The following MACF1 variants were observed in gnomAD, a reference collection of about 807,000 sequenced individuals.
MACF1 encodes the protein microtubule-actin cross-linking factor 1.
A neutral mutation model predicts 854.8 loss-of-function variants in MACF1; 193 were observed. That is an observed-to-expected ratio of 0.23 (90% CI 0.20 to 0.25). The LOEUF is 0.25. Among genes scored for constraint, MACF1 ranks in the 10% least tolerant of loss-of-function variants. MACF1 has a pLI of 1.00. For missense variants in MACF1, 7,722 were observed against 8,929.1 expected, an observed-to-expected ratio of 0.86 and a Z score of 5.45; for synonymous variants, 3,185 against 3,226.7, an observed-to-expected ratio of 0.99 and a Z score of 0.44.
chr1:39,376,460 AC>A (rs1200718935), intron 52 of MACF1, among the ~76,000 whole-genome samples: 5 of 152,056 alleles, frequency 3.3e-5, no homozygotes, highest in Admixed American at 3.3e-4. Context: ...CTTCCCAGTT[AC>A]CCCATGAGAG....
At chr1:39,147,244 CCT>C (rs1488273223) in intron 2 of MACF1, among the ~76,000 whole-genome samples, 3 of 149,802 alleles carry the variant, frequency 2.0e-5, no homozygotes, top group Non-Finnish European at 4.5e-5. Context: ...TTTCCTCTCT[CCT>C]CTCTCTTTTC....
chr1:39,194,288 C>T lies in MACF1; in HGVS notation c.221-36894C>T, dbSNP rs532532698. Reference sequence around the variant, plus strand: ...TCTAGAGTTAGATCCTGGGCAGAATCCATATCCGGAGGGATTTCCAGAAGT... The same window carrying T: ...TCTAGAGTTAGATCCTGGGCAGAATTCATATCCGGAGGGATTTCCAGAAGT... On this transcript the variant is annotated intron_variant, in intron 2 of 93. Coordinates refer to the MACF1 transcript ENST00000361689. Among the ~76,000 whole-genome samples, 52 of 150,598 alleles carry T rather than the reference C, an allele frequency of 3.5e-4. 1 individual carries two copies. The highest frequency in any genetic ancestry group is 1.2e-3 in the African/African-American group (50 of 41,018).
rs201651907 is a variant in MACF1 at position 39,334,906 on chromosome 1, T to C, written c.8318T>C (p.Ile2773Thr). 75 of 1,614,178 alleles carry C rather than the reference T, an allele frequency of 4.6e-5. No homozygotes were observed. The highest frequency in any genetic ancestry group is 1.8e-4 in the Admixed American group (11 of 60,030). ...SSEFSDHRAQ[I>T]EKQEGIEVCA... ...GAGTTCAGCGATCACAGGGCTCAGA[T>C]TGAAAAGCAAGAAGGGATTGAAGTG... The change falls in exon 37 of 101, where the codon ATT becomes ACT. Residue 2773 changes from isoleucine (I) to threonine (T), a missense_variant. By Grantham distance (89) the Ile-to-Thr change is moderately conservative. Around this residue, in one of 15 missense-constraint regions of MACF1, gnomAD observed 1,531 missense variants for 1,601.6 expected, o/e 0.96. Coordinates refer to ENST00000564288, the MANE Select transcript of MACF1 (RefSeq NM_001394062.1).
chr1:39,095,730 T>C (rs1403161226), intron 2 of MACF1, among the ~76,000 whole-genome samples: 1 of 137,722 alleles, frequency 7.3e-6, no homozygotes, highest in African/African-American at 2.8e-5. Flanking sequence ...AAAAAAAAAA[T>C]TAGGTGTGGT....
At chr1:39,416,307 C>G (rs557365400) in intron 58 of MACF1, among the ~76,000 whole-genome samples, 1 of 151,404 alleles carries the variant, frequency 6.6e-6, no homozygotes, top group East Asian at 1.9e-4. Context: ...ATAGCCTGTA[C>G]AAAGTGAAGA....
At chr1:39,113,734 G>A (rs1642471333) in intron 2 of MACF1, among the ~76,000 whole-genome samples, 2 of 152,054 alleles carry the variant, frequency 1.3e-5, no homozygotes, top group Non-Finnish European at 2.9e-5. Flanking sequence ...TCCCAGGCAA[G>A]CAAAAAAGAT....
chr1:39,226,982 A>C (rs1422378853), intron 1 of MACF1, among the ~76,000 whole-genome samples: 1 of 152,224 alleles, frequency 6.6e-6, no homozygotes, highest in Admixed American at 6.5e-5. Context: ...TGTAATGGAC[A>C]CAACTTTAGT....
intron 2 of MACF1, among the ~76,000 whole-genome samples, chr1:39,124,246 G>C (rs930317183): frequency 2.6e-5 from 4 of 152,084 alleles, no homozygotes; most frequent in African/African-American, 9.7e-5. Context: ...CCAAGTTTGT[G>C]ATTAGGTGGT....
At chr1:39,167,751 A>G (rs1035863266) in intron 2 of MACF1, among the ~76,000 whole-genome samples, 1 of 151,860 alleles carries the variant, frequency 6.6e-6, no homozygotes, top group Admixed American at 6.6e-5. Flanking sequence ...ACAGGCACCT[A>G]TAATCTCAGC....
chr1:39,382,656 C>T (rs970348327), intron 56 of MACF1, among the ~76,000 whole-genome samples: 14 of 148,094 alleles, frequency 9.5e-5, no homozygotes, highest in East Asian at 4.0e-4. Context: ...GTGTCCTGTC[C>T]GGACAGTAGA....
intron 85 of MACF1, 53 bp from the exon 86 acceptor site, chr1:39,452,103 C>T: frequency 7.0e-7 from 1 of 1,427,950 alleles, no homozygotes; most frequent in South Asian, 1.4e-5. Context: ...CCAGTGGTTT[C>T]TTGGACTCAA....
intron 2 of MACF1, among the ~76,000 whole-genome samples, chr1:39,134,239 G>T (rs922356593): frequency 6.6e-6 from 1 of 151,212 alleles, no homozygotes; most frequent in Non-Finnish European, 1.5e-5. Flanking sequence ...GTAGAGACGG[G>T]GTTTCACTGT....
chr1:39,444,010 G>GGA (rs1644172060), intron 79 of MACF1, among the ~76,000 whole-genome samples: 1 of 152,152 alleles, frequency 6.6e-6, no homozygotes, highest in Non-Finnish European at 1.5e-5. Context: ...ATAGATTATT[G>GGA]GAGTCTTTTG....
intron 90 of MACF1, 128 bp downstream of exon 90, chr1:39,458,618 C>A (rs1363146183): frequency 3.2e-6 from 4 of 1,235,730 alleles, no homozygotes; most frequent in Non-Finnish European, 2.2e-6. Context: ...ACCAAAATCT[C>A]TCATTTTTGA....
At chr1:39,458,795 C>A in intron 90 of MACF1, 1 of 496,474 alleles carries the variant, frequency 2.0e-6, no homozygotes. Context: ...TTAATCAACA[C>A]AACAGCTTCT....
At chr1:39,324,852 G>T in intron 35 of MACF1, 118 bp downstream of exon 35, 1 of 722,640 alleles carries the variant, frequency 1.4e-6, no homozygotes, top group South Asian at 1.9e-5. Context: ...CCAGATTATG[G>T]GGACCCTGTA....
At position 39,339,483 on chromosome 1, in the gene MACF1, G is replaced by GAGCTCC. The variant is rs57834345; in HGVS notation, c.10216-1019_10216-1018insAGCTCC. Among the ~76,000 whole-genome samples the GAGCTCC allele has an allele frequency of 6.7e-3, 1,022 of 152,262 alleles. 13 individuals are homozygous for GAGCTCC. Among genetic ancestry groups the GAGCTCC allele is most frequent in the African/African-American group, 0.023 (973 of 41,528 alleles). On this transcript the variant is annotated intron_variant, in intron 38 of 100. Transcript: ENST00000564288. ...GAGATTCAGCTCCTGAAAGTTATTG[G>GAGCTCC]TGACTTTGAACAGTTTCAGTGGAGT...
chr1:39,322,456 T>C, intron 31 of MACF1, 152 bp from the exon 32 acceptor site: 1 of 637,110 alleles, frequency 1.6e-6, no homozygotes, highest in Non-Finnish European at 2.8e-6. Context: ...TGGCCTGATA[T>C]TTTCTGTCTG....
intron 97 of MACF1, 31 bp from the exon 98 acceptor site, chr1:39,479,767 G>T: frequency 1.3e-6 from 2 of 1,587,568 alleles, no homozygotes; most frequent in South Asian, 2.2e-5. Flanking sequence ...TAGAAGAACT[G>T]ACATTGTGTG....
Sources: gnomAD v4.1 joint callset for allele counts (sites outside exome capture counted in the v4.1 genomes callset) on GRCh38, gnomAD v4.1.1 for gene constraint, gnomAD v4.1.1 regional missense constraint, MANE v1.5 for transcripts, NCBI Gene and HGNC (gene_info 2026-07-23, HGNC 2026-07-21) for gene names.